Variants in ATP10B observed in about 807,000 individuals in gnomAD.
ATP10B encodes phospholipid-transporting ATPase VB.
In ATP10B, 122 loss-of-function variants were observed where a neutral mutation model predicts 141.2. The observed-to-expected ratio is 0.86, with a 90% confidence interval of 0.75 to 1.00. The LOEUF (loss-of-function observed/expected upper bound fraction) is 1.00. ATP10B is among the 50% of genes least tolerant of loss of function. The pLI is 0.00. For missense variants in ATP10B, 1,876 were observed against 1,825.3 expected (o/e 1.03, Z -0.51); for synonymous variants, 685 against 692.0 (o/e 0.99, Z 0.16).
At chr5:160,923,695 T>C in the ATP10B span, among the ~76,000 whole-genome samples, 1 of 152,214 alleles carries the variant, frequency 6.6e-6, no homozygotes, top group East Asian at 1.9e-4. Flanking sequence ...ACAAACAGGA[T>C]TTTCTTGACG....
intron 7 of ATP10B, among the ~76,000 whole-genome samples, chr5:160,650,068 C>T (rs543693248): frequency 6.6e-6 from 1 of 151,248 alleles, no homozygotes; most frequent in Non-Finnish European, 1.5e-5. Flanking sequence ...AAGATCGCGC[C>T]ACTGCACTCT....
At chr5:160,909,886 C>T in the ATP10B span, among the ~76,000 whole-genome samples, 2 of 152,158 alleles carry the variant, frequency 1.3e-5, no homozygotes, top group Admixed American at 1.3e-4. Context: ...CGGTTGTAGG[C>T]AGCTCAGTAA....
intron 1 of ATP10B, among the ~76,000 whole-genome samples, chr5:160,823,299 A>G (rs1409583712): frequency 6.6e-6 from 1 of 151,968 alleles, no homozygotes; most frequent in East Asian, 1.9e-4. Context: ...ACAGAAAACC[A>G]AACAACACAT....
At chr5:160,677,823 G>C (rs1024178902) in intron 6 of ATP10B, among the ~76,000 whole-genome samples, 2 of 152,216 alleles carry the variant, frequency 1.3e-5, no homozygotes, top group East Asian at 3.8e-4. Flanking sequence ...CCCTGGCAAA[G>C]CTTAAATTCT....
intron 2 of ATP10B, among the ~76,000 whole-genome samples, chr5:160,785,286 T>A (rs762318079): frequency 6.6e-6 from 1 of 152,138 alleles, no homozygotes; most frequent in African/African-American, 2.4e-5. Flanking sequence ...TCTTAAGTGA[T>A]ATATAATTTG....
In ATP10B at chr5:160,636,497, G is replaced by T. The variant is rs528157068; in HGVS notation, c.1001-188C>A. 3.9e-5 allele frequency among the ~76,000 whole-genome samples: 6 copies of T among 152,250 alleles called. No individual in the cohort carries two copies. In the South Asian group the frequency reaches 1.2e-3, roughly 32 times the overall value. Reference sequence around the variant, plus strand: ...CATGTGTTCATGTTGCTCTAAAGTGGTTCTTCGTATACATTTCAATCCTTT... The same window carrying T: ...CATGTGTTCATGTTGCTCTAAAGTGTTTCTTCGTATACATTTCAATCCTTT... On this transcript the variant is annotated intron_variant, in intron 10 of 25. Transcript: ENST00000327245.
chr5:160,643,697 T>C (rs1561687674), intron 9 of ATP10B, among the ~76,000 whole-genome samples: 1 of 152,236 alleles, frequency 6.6e-6, no homozygotes, highest in Non-Finnish European at 1.5e-5. Flanking sequence ...CAGTGCTGGA[T>C]GCTTTTCATG....
At chr5:160,594,067 A>C (rs1429637668) in intron 22 of ATP10B, among the ~76,000 whole-genome samples, 3 of 152,180 alleles carry the variant, frequency 2.0e-5, no homozygotes, top group Non-Finnish European at 4.4e-5. Context: ...GAGAAGAGCA[A>C]CTCCAAGACA....
chr5:160,883,755 G>T, the ATP10B span, among the ~76,000 whole-genome samples: 2 of 151,306 alleles, frequency 1.3e-5, no homozygotes, highest in Admixed American at 1.3e-4. Flanking sequence ...AAAAAGAAAA[G>T]GAAACTATAG....
chr5:160,873,907 G>A, the ATP10B span, among the ~76,000 whole-genome samples: 59 of 152,324 alleles, frequency 3.9e-4, no homozygotes, highest in Middle Eastern at 6.8e-3. Context: ...CTCGCTGATT[G>A]CTAGCACAGC....
At chr5:160,841,787 A>G (rs1293822089) in intron 1 of ATP10B, among the ~76,000 whole-genome samples, 1 of 152,060 alleles carries the variant, frequency 6.6e-6, no homozygotes, top group Non-Finnish European at 1.5e-5. Flanking sequence ...TGCAGTGGCA[A>G]GCTCTCAGTT....
At chr5:160,816,760 A>T (rs556557196) in intron 1 of ATP10B, among the ~76,000 whole-genome samples, 2 of 152,342 alleles carry the variant, frequency 1.3e-5, no homozygotes, top group Non-Finnish European at 2.9e-5. Flanking sequence ...TCAATAAAAT[A>T]CTGGCAAACC....
chr5:160,842,172 G>A (rs1186590640), intron 1 of ATP10B, among the ~76,000 whole-genome samples: 1 of 151,974 alleles, frequency 6.6e-6, no homozygotes, highest in Non-Finnish European at 1.5e-5. Context: ...GTAACCAAAG[G>A]ATAACTAAAA....
chr5:160,628,142 C>T (rs1758705209), intron 13 of ATP10B, among the ~76,000 whole-genome samples: 1 of 152,210 alleles, frequency 6.6e-6, no homozygotes, highest in Admixed American at 6.5e-5. Context: ...TAAATGCTCA[C>T]TTAAATAGGA....
At chr5:160,785,860 G>A in intron 1 of ATP10B, 57 bp from the exon 2 acceptor site, 1 of 298,064 alleles carries the variant, frequency 3.4e-6, no homozygotes, top group South Asian at 3.5e-5. Context: ...TTTAGTATCA[G>A]CAATAATCAA....
Position 160,612,810 on chromosome 5 carries a change from G to A in ATP10B, c.2769C>T (p.Val923=). 1.2e-6 allele frequency: 2 copies of A among 1,614,060 alleles called. No homozygotes were observed. Among genetic ancestry groups the A allele is most frequent in the Non-Finnish European group, 1.7e-6 (2 of 1,180,004 alleles). The change falls in exon 18 of 26, where the codon GTC becomes GTT. Residue 923 remains valine, a synonymous_variant. Transcript: ENST00000327245. ...ACAGTCTGCAGGAATGGGCAATGTT[G>A]ACCGCTGTCTCCTGCTTATCTCCAG... ...VLTGDKQETA[V]NIAHSCRLLN... is the part of the protein sequence containing the mutation.
intron 1 of ATP10B, among the ~76,000 whole-genome samples, chr5:160,786,475 T>A (rs1223306141): frequency 6.6e-6 from 1 of 152,180 alleles, no homozygotes. Context: ...GCAGTTATCA[T>A]AATTTTCACT....
At position 160,724,251 on chromosome 5, in the gene ATP10B, C is replaced by CT. The variant is rs35786358; in HGVS notation, c.-330-7218dup. Among the ~76,000 whole-genome samples the CT allele has an allele frequency of 6.4e-3, 682 of 107,070 alleles. 4 individuals are homozygous for CT. Among genetic ancestry groups the CT allele is most frequent in the African/African-American group, 0.015 (409 of 27,276 alleles). The allele number at this position is 107,070 out of a possible 152,430, so 70.2% of individuals were successfully genotyped here. ...AAGTTTACCTGAGAAGCTATAATTC[C>CT]TTTTTTTTTTTTTTTTTTTTTTTAG... On this transcript the variant is annotated intron_variant, in intron 2 of 25. Coordinates refer to ENST00000327245, the MANE Select transcript of ATP10B (RefSeq NM_025153.3).
At chr5:160,689,966 G>A (rs888216730) in intron 3 of ATP10B, among the ~76,000 whole-genome samples, 1 of 151,908 alleles carries the variant, frequency 6.6e-6, no homozygotes, top group Non-Finnish European at 1.5e-5. Flanking sequence ...ATACTACAAG[G>A]CTACAGTAAC....
Sources: gnomAD v4.1 joint callset for allele counts (sites outside exome capture counted in the v4.1 genomes callset) on GRCh38, gnomAD v4.1.1 for gene constraint, MANE v1.5 for transcripts, NCBI Gene and HGNC (gene_info 2026-07-23, HGNC 2026-07-21) for gene names.